ADK: variants seen among roughly 807,000 people sequenced by gnomAD.
ADK encodes N6,N6-dimethyladenosine kinase.
In ADK, 24 loss-of-function variants were observed where a neutral mutation model predicts 44.7. The observed-to-expected ratio is 0.54, with a 90% CI of 0.39 to 0.76. The LOEUF is 0.76. Among genes scored for constraint, ADK ranks in the 30% least tolerant of loss-of-function variants. ADK has a pLI of 0.00. For synonymous variants in ADK, 128 were observed against 142.6 expected, an observed-to-expected ratio of 0.90 and a Z score of 0.73; for missense variants, 321 against 425.1, an observed-to-expected ratio of 0.76 and a Z score of 2.15.
intron 6 of ADK, among the ~76,000 whole-genome samples, chr10:74,419,069 T>A (rs932654066): frequency 1.3e-5 from 2 of 152,176 alleles, no homozygotes; most frequent in Non-Finnish European, 2.9e-5. Flanking sequence ...ATATAATTCT[T>A]ATAAGACAGT....
intron 7 of ADK, among the ~76,000 whole-genome samples, chr10:74,565,485 T>C (rs796537754): frequency 2.0e-5 from 3 of 152,034 alleles, no homozygotes; most frequent in African/African-American, 7.2e-5. Context: ...CCCAGCACTT[T>C]GGGAGGCTGA....
At chr10:74,249,496 T>TACAC (rs72380023) in intron 3 of ADK, among the ~76,000 whole-genome samples, 2,074 of 149,144 alleles carry the variant, frequency 0.014, 42 homozygotes, top group African/African-American at 0.044. Flanking sequence ...TGTACATGCA[T>TACAC]ACACACACAC....
chr10:74,464,722 C>T (rs1846291171), intron 6 of ADK, among the ~76,000 whole-genome samples: 1 of 152,118 alleles, frequency 6.6e-6, no homozygotes, highest in Non-Finnish European at 1.5e-5. Context: ...GTGGCTGATG[C>T]CTGTAATCCC....
At chr10:74,362,697 A>G (rs1324952799) in intron 4 of ADK, among the ~76,000 whole-genome samples, 1 of 152,186 alleles carries the variant, frequency 6.6e-6, no homozygotes, top group Non-Finnish European at 1.5e-5. Context: ...TCCTTCTTCA[A>G]GAGGCCTTCC....
At chr10:74,669,958 A>G (rs985289025) in intron 9 of ADK, among the ~76,000 whole-genome samples, 1 of 152,212 alleles carries the variant, frequency 6.6e-6, no homozygotes, top group African/African-American at 2.4e-5. Context: ...TATAACTCTC[A>G]TAAGACGTAT....
At chr10:74,499,353 C>T (rs1847807703) in intron 6 of ADK, among the ~76,000 whole-genome samples, 1 of 152,118 alleles carries the variant, frequency 6.6e-6, no homozygotes, top group Non-Finnish European at 1.5e-5. Flanking sequence ...ATTAAAGACC[C>T]TATGAAAAGT....
intron 6 of ADK, among the ~76,000 whole-genome samples, chr10:74,501,487 G>T (rs1301091820): frequency 6.6e-6 from 1 of 151,924 alleles, no homozygotes; most frequent in African/African-American, 2.4e-5. Context: ...TGGATAAAAG[G>T]GACTCCCTAT....
At chr10:74,564,537 C>A (rs1019993681) in intron 7 of ADK, among the ~76,000 whole-genome samples, 1 of 152,104 alleles carries the variant, frequency 6.6e-6, no homozygotes, top group Non-Finnish European at 1.5e-5. Flanking sequence ...TCCTGACTAA[C>A]CCTGTTTCCT....
chr10:74,557,548 T>C (rs1850304464), intron 7 of ADK, among the ~76,000 whole-genome samples: 1 of 152,174 alleles, frequency 6.6e-6, no homozygotes, highest in Non-Finnish European at 1.5e-5. Flanking sequence ...ATCTTTGTTA[T>C]TAGTTTTAAA....
At chr10:74,489,188 A>G (rs998173447) in intron 6 of ADK, among the ~76,000 whole-genome samples, 8 of 152,102 alleles carry the variant, frequency 5.3e-5, no homozygotes, top group Non-Finnish European at 8.8e-5. Flanking sequence ...AAGAAAGTTC[A>G]TATGGAACAC....
At chr10:74,525,222 A>G (rs749872551) in intron 6 of ADK, 34 bp from the exon 7 acceptor site, 2 of 1,586,652 alleles carry the variant, frequency 1.3e-6, no homozygotes, top group South Asian at 2.2e-5. Flanking sequence ...TGGAGATGGT[A>G]TTTCTAATTT....
intron 7 of ADK, among the ~76,000 whole-genome samples, chr10:74,560,864 G>A (rs1007674220): frequency 6.6e-6 from 1 of 152,096 alleles, no homozygotes; most frequent in Non-Finnish European, 1.5e-5. Flanking sequence ...AAGAGAAAGA[G>A]AGAGGTGGTA....
At chr10:74,197,476 G>T (rs1387143051) in intron 1 of ADK, among the ~76,000 whole-genome samples, 1 of 152,068 alleles carries the variant, frequency 6.6e-6, no homozygotes, top group Non-Finnish European at 1.5e-5. Context: ...AAGGCGGGTG[G>T]ATCATTTGAA....
chr10:74,534,435 T>A (rs1849386863), intron 7 of ADK, among the ~76,000 whole-genome samples: 1 of 152,224 alleles, frequency 6.6e-6, no homozygotes, highest in Admixed American at 6.5e-5. Flanking sequence ...CTTCTGTTAT[T>A]TCCATGGAAG....
intron 6 of ADK, among the ~76,000 whole-genome samples, chr10:74,491,947 A>G (rs1272855811): frequency 1.3e-5 from 2 of 151,888 alleles, no homozygotes; most frequent in Non-Finnish European, 2.9e-5. Flanking sequence ...GAGTTGTTTT[A>G]GTTTTTTTAA....
chr10:74,441,872 C>T (rs1462390441), intron 6 of ADK, among the ~76,000 whole-genome samples: 3 of 151,998 alleles, frequency 2.0e-5, no homozygotes, highest in Admixed American at 6.6e-5. Context: ...GCAGAAAACC[C>T]GATTAAAAAA....
chr10:74,603,191 C>A (rs1184727045), intron 9 of ADK, among the ~76,000 whole-genome samples: 2 of 151,746 alleles, frequency 1.3e-5, no homozygotes, highest in East Asian at 3.9e-4. Flanking sequence ...AGTGACATTC[C>A]AGAATGGCAC....
At chr10:74,376,777 C>CTTTTTTTTT (rs35675013) in intron 4 of ADK, among the ~76,000 whole-genome samples, 1 of 135,378 alleles carries the variant, frequency 7.4e-6, no homozygotes, top group African/African-American at 2.8e-5. Flanking sequence ...TCTCTCTCGT[C>CTTTTTTTTT]TTTTTTTTTT....
At chr10:74,548,155 GTATAA>G (rs1240412596) in intron 7 of ADK, among the ~76,000 whole-genome samples, 9 of 151,718 alleles carry the variant, frequency 5.9e-5, no homozygotes, top group African/African-American at 1.9e-4. Context: ...TTGGATTGCT[GTATAA>G]TATAATTTAT....
Sources: gnomAD v4.1 joint callset for allele counts (sites outside exome capture counted in the v4.1 genomes callset) on GRCh38, gnomAD v4.1.1 for gene constraint, MANE v1.5 for transcripts, NCBI Gene and HGNC (gene_info 2026-07-23, HGNC 2026-07-21) for gene names.